BCAS3: variants seen among roughly 807,000 people sequenced by gnomAD.
The protein encoded by BCAS3 is BCAS3 microtubule associated cell migration factor.
BCAS3 carries 53 observed loss-of-function variants against 116.1 expected under a neutral mutation model. That is an observed-to-expected ratio of 0.46 (90% CI 0.37 to 0.57). BCAS3 has a LOEUF of 0.57. BCAS3 is among the 20% of genes least tolerant of loss of function. BCAS3 has a pLI of 0.00. For synonymous variants in BCAS3, 391 were observed against 408.2 expected (o/e 0.96, Z 0.51); for missense variants, 917 against 1,165.4 (o/e 0.79, Z 3.10).
intron 7 of BCAS3, among the ~76,000 whole-genome samples, chr17:60,841,963 C>T (rs890159665): frequency 3.9e-5 from 6 of 151,946 alleles, no homozygotes; most frequent in Admixed American, 2.6e-4. Flanking sequence ...GGTAGCCTTT[C>T]GAGGTGCTGG....
chr17:61,102,923 T>C (rs1286905372), intron 22 of BCAS3, among the ~76,000 whole-genome samples: 1 of 152,164 alleles, frequency 6.6e-6, no homozygotes, highest in African/African-American at 2.4e-5. Flanking sequence ...ACGTGTATCA[T>C]AATGTATTAT....
At chr17:60,795,406 A>AT (rs1159017064) in intron 6 of BCAS3, among the ~76,000 whole-genome samples, 3 of 151,856 alleles carry the variant, frequency 2.0e-5, no homozygotes, top group Non-Finnish European at 4.4e-5. Flanking sequence ...GATGCTCTTT[A>AT]TTTTTTTCTC....
intron 22 of BCAS3, among the ~76,000 whole-genome samples, chr17:61,304,225 C>T (rs140916079): frequency 2.6e-4 from 39 of 152,326 alleles, no homozygotes; most frequent in African/African-American, 8.4e-4. Flanking sequence ...TTACTTTGGC[C>T]TCCACTCACC....
At chr17:60,683,482 A>C (rs2033499469) in intron 2 of BCAS3, among the ~76,000 whole-genome samples, 1 of 145,712 alleles carries the variant, frequency 6.9e-6, no homozygotes, top group South Asian at 2.2e-4. Context: ...GTTTAGCAGA[A>C]ATATCAGGTG....
intron 14 of BCAS3, among the ~76,000 whole-genome samples, chr17:60,987,960 TC>T (rs1225247188): frequency 6.6e-6 from 1 of 152,148 alleles, no homozygotes; most frequent in African/African-American, 2.4e-5. Context: ...TAGCTGTGGG[TC>T]CATTGTACAT....
At chr17:61,283,108 T>C (rs1407555260) in intron 22 of BCAS3, among the ~76,000 whole-genome samples, 1 of 152,176 alleles carries the variant, frequency 6.6e-6, no homozygotes, top group Admixed American at 6.5e-5. Flanking sequence ...TGCTCCTTTT[T>C]GTATTGAAAA....
At chr17:61,085,651 T>G (rs2073029348) in intron 22 of BCAS3, among the ~76,000 whole-genome samples, 1 of 152,232 alleles carries the variant, frequency 6.6e-6, no homozygotes, top group Non-Finnish European at 1.5e-5. Flanking sequence ...GACTATTACT[T>G]TAGAGGACTC....
At chr17:60,988,905 A>G (rs1036859173) in intron 14 of BCAS3, among the ~76,000 whole-genome samples, 1 of 150,824 alleles carries the variant, frequency 6.6e-6, no homozygotes, top group African/African-American at 2.4e-5. Flanking sequence ...GATCTTTATT[A>G]TTTATCTTCT....
intron 13 of BCAS3, among the ~76,000 whole-genome samples, chr17:60,946,690 G>A (rs1359278997): frequency 6.6e-6 from 1 of 152,020 alleles, no homozygotes; most frequent in Non-Finnish European, 1.5e-5. Flanking sequence ...CAGAAGGATT[G>A]CTTGAGGCCC....
chr17:60,978,467 A>AT (rs2062572855), intron 14 of BCAS3, among the ~76,000 whole-genome samples: 1 of 147,792 alleles, frequency 6.8e-6, no homozygotes, highest in Non-Finnish European at 1.5e-5. Flanking sequence ...GTTCACTCTA[A>AT]TGGTAGTTTC....
intron 23 of BCAS3, among the ~76,000 whole-genome samples, chr17:61,375,308 T>C (rs137870174): frequency 3.3e-5 from 5 of 150,990 alleles, no homozygotes; most frequent in Non-Finnish European, 5.9e-5. Flanking sequence ...CCAACAAATA[T>C]GAGCTGTTTT....
At chr17:60,825,707 A>G (rs978179876) in intron 7 of BCAS3, among the ~76,000 whole-genome samples, 9 of 151,726 alleles carry the variant, frequency 5.9e-5, no homozygotes, top group Admixed American at 5.3e-4. Context: ...ATGTCCTCAC[A>G]TGGTGGAAGG....
intron 6 of BCAS3, among the ~76,000 whole-genome samples, chr17:60,791,458 A>T (rs1482062657): frequency 6.6e-6 from 1 of 152,136 alleles, no homozygotes; most frequent in Admixed American, 6.5e-5. Flanking sequence ...GTTTAAGACT[A>T]GCCTGGGCAC....
chr17:61,369,728 G>C (rs970049760), intron 23 of BCAS3, among the ~76,000 whole-genome samples: 1 of 152,240 alleles, frequency 6.6e-6, no homozygotes, highest in Non-Finnish European at 1.5e-5. Context: ...GGGAGGAAGA[G>C]GGGGAGCTTG....
chr17:60,700,185 A>AAAAAAAAAAAAAAAAG lies in BCAS3; in HGVS notation c.215-9034_215-9033insAAAAAAAAAAAAAAAG, dbSNP rs1319555739. On this transcript the variant is annotated intron_variant, in intron 4 of 23. Coordinates refer to ENST00000407086, the MANE Select transcript of BCAS3 (RefSeq NM_017679.5). Reference sequence around the variant, plus strand: ...TGAGACCCTGTCTCAAAAAAAAAAAAGAAGCAGTTCAACTCTTACGTGAAG... The same window carrying AAAAAAAAAAAAAAAAG: ...TGAGACCCTGTCTCAAAAAAAAAAAAAAAAAAAAAAAAAAAGGAAGCAGTTCAACTCTTACGTGAAG... 2.0e-4 allele frequency among the ~76,000 whole-genome samples: 30 copies of AAAAAAAAAAAAAAAAG among 147,132 alleles called. 3 individuals are homozygous for AAAAAAAAAAAAAAAAG. Among genetic ancestry groups the AAAAAAAAAAAAAAAAG allele is most frequent in the African/African-American group, 7.0e-4 (26 of 36,990 alleles).
intron 22 of BCAS3, among the ~76,000 whole-genome samples, chr17:61,305,441 A>G (rs1266267801): frequency 6.6e-6 from 1 of 152,178 alleles, no homozygotes; most frequent in Non-Finnish European, 1.5e-5. Context: ...GTTCAAATCC[A>G]CTGTTTGCCT....
At chr17:60,913,852 T>C (rs2058644610) in intron 12 of BCAS3, among the ~76,000 whole-genome samples, 1 of 152,192 alleles carries the variant, frequency 6.6e-6, no homozygotes, top group African/African-American at 2.4e-5. Context: ...ATGGATTTGA[T>C]TGACTTTGCA....
chr17:61,011,646 A>G (rs1407003729), intron 15 of BCAS3, among the ~76,000 whole-genome samples: 3 of 152,098 alleles, frequency 2.0e-5, no homozygotes, highest in Non-Finnish European at 2.9e-5. Flanking sequence ...GCTGTTAGCT[A>G]TTAATGACTA....
intron 14 of BCAS3, among the ~76,000 whole-genome samples, chr17:60,982,154 T>A (rs1202175803): frequency 6.6e-6 from 1 of 151,138 alleles, no homozygotes; most frequent in Non-Finnish European, 1.5e-5. Context: ...TGTGTGTGAT[T>A]TTTTTAAAAT....
Sources: allele counts gnomAD v4.1 joint callset (sites outside exome capture counted in the v4.1 genomes callset), GRCh38; gene constraint gnomAD v4.1.1; transcripts MANE v1.5; gene names NCBI Gene and HGNC (gene_info 2026-07-23, HGNC 2026-07-21).